The following FBXO10 variants were observed in gnomAD, a reference collection of about 807,000 sequenced individuals.
FBXO10 encodes F-box only protein 10.
A neutral mutation model predicts 80.7 loss-of-function variants in FBXO10; 39 were observed. The observed-to-expected ratio is 0.48, with a 90% CI of 0.37 to 0.63. The LOEUF (loss-of-function observed/expected upper bound fraction) is 0.63, where lower values mean the gene tolerates loss of function less well. FBXO10 is among the 30% of genes least tolerant of loss of function. The pLI is 0.00. For missense variants in FBXO10, 1,025 were observed against 1,269.0 expected (o/e 0.81, Z 2.92); for synonymous variants, 449 against 489.6 (o/e 0.92, Z 1.09).
intron 1 of FBXO10, among the ~76,000 whole-genome samples, chr9:37,558,336 AAGAG>A (rs1202882145): frequency 6.6e-6 from 1 of 152,206 alleles, no homozygotes; most frequent in African/African-American, 2.4e-5. Context: ...GACTTGGAAT[AAGAG>A]AGACCCAAAT....
chr9:37,529,720 T>G (rs935605645), intron 4 of FBXO10, among the ~76,000 whole-genome samples: 8 of 152,206 alleles, frequency 5.3e-5, no homozygotes, highest in Middle Eastern at 3.2e-3. Flanking sequence ...TTGTTTGACT[T>G]CTAGTCCTTT....
intron 3 of FBXO10, 142 bp downstream of exon 3, chr9:37,536,968 C>T (rs1821782659): frequency 1.5e-6 from 1 of 646,046 alleles, no homozygotes. Context: ...TCTGTCCTTT[C>T]CAAATCAGAT....
intron 1 of FBXO10, among the ~76,000 whole-genome samples, chr9:37,553,775 C>T (rs953694354): frequency 5.3e-5 from 8 of 150,850 alleles, no homozygotes; most frequent in African/African-American, 2.4e-5. Flanking sequence ...ATTAGCCAGG[C>T]GTGGTGGCAC....
At chr9:37,555,487 TCTC>T (rs1432194569) in intron 1 of FBXO10, among the ~76,000 whole-genome samples, 1 of 151,618 alleles carries the variant, frequency 6.6e-6, no homozygotes, top group African/African-American at 2.4e-5. Flanking sequence ...TTCAAGCGAT[TCTC>T]CTGCCTCAGC....
At position 37,541,564 on chromosome 9, in the gene FBXO10, C is replaced by G; in HGVS notation, c.205G>C (p.Glu69Gln). Residue 69 changes from glutamate (E) to glutamine (Q), a missense_variant, in exon 2 of 11, where the codon GAG (glutamate) becomes CAG (glutamine). Physicochemically the swap from Glu to Gln is conservative, Grantham distance 29 (BLOSUM62 2). Transcript: ENST00000432825. ...TGCTTGAAGGCTTCTCTCCAAGACT[C>G]AGGCTCCACATCTGGCTGGTTGGGC... ...NWPNQPDVEP[E>Q]SWREAFKQHY... The G allele has an allele frequency of 6.2e-7, 1 of 1,613,730 alleles. No homozygotes were observed.
At chr9:37,535,823 C>T (rs1821747236) in intron 3 of FBXO10, among the ~76,000 whole-genome samples, 1 of 152,158 alleles carries the variant, frequency 6.6e-6, no homozygotes, top group African/African-American at 2.4e-5. Flanking sequence ...ACTTCTGGGC[C>T]TTCACACACA....
chr9:37,559,880 T>C lies in FBXO10; in HGVS notation c.-7+16331A>G, dbSNP rs192304555. On this transcript the variant is annotated intron_variant, in intron 1 of 10. Coordinates refer to ENST00000432825, the MANE Select transcript of FBXO10 (RefSeq NM_012166.3). ...AAACACCATGCATGAAAAATACACC[T>C]TTGTTTGGGTTAAGGCACTAAGAAC... is the stretch of plus-strand genomic sequence containing the variant. 3.3e-4 allele frequency among the ~76,000 whole-genome samples: 50 copies of C among 152,264 alleles called. No individual in the cohort carries two copies. In the East Asian group the frequency reaches 6.6e-3, roughly 20 times the overall value.
chr9:37,568,150 C>G (rs777328178), intron 1 of FBXO10, among the ~76,000 whole-genome samples: 6 of 152,118 alleles, frequency 3.9e-5, no homozygotes, highest in Non-Finnish European at 8.8e-5. Context: ...ATACTTTAAG[C>G]TGATCACCTA....
At chr9:37,557,612 A>G (rs960773564) in intron 1 of FBXO10, among the ~76,000 whole-genome samples, 1 of 152,140 alleles carries the variant, frequency 6.6e-6, no homozygotes, top group Non-Finnish European at 1.5e-5. Flanking sequence ...GAATTCAGTG[A>G]CTTCACATAT....
intron 1 of FBXO10, among the ~76,000 whole-genome samples, chr9:37,567,954 CT>C (rs1361425124): frequency 6.6e-6 from 1 of 152,106 alleles, no homozygotes; most frequent in Non-Finnish European, 1.5e-5. Flanking sequence ...AGGATGGATA[CT>C]TGACCCAAAG....
chr9:37,574,739 T>G (rs777236617), intron 1 of FBXO10, among the ~76,000 whole-genome samples: 1 of 152,176 alleles, frequency 6.6e-6, no homozygotes, highest in Non-Finnish European at 1.5e-5. Context: ...TATTTTAAAA[T>G]GTACTGAGAA....
At chr9:37,529,064 A>G (rs1348836816) in intron 5 of FBXO10, 60 bp downstream of exon 5, 7 of 1,604,786 alleles carry the variant, frequency 4.4e-6, no homozygotes, top group Non-Finnish European at 6.0e-6. Context: ...AGTGTTTTCA[A>G]ATGGAGGAGA....
intron 1 of FBXO10, among the ~76,000 whole-genome samples, chr9:37,573,726 A>G (rs1327379948): frequency 6.6e-6 from 1 of 152,214 alleles, no homozygotes; most frequent in East Asian, 1.9e-4. Context: ...AAGGAAAGAC[A>G]AGAGTGAATG....
At chr9:37,520,396 G>A (rs1187710776) in intron 8 of FBXO10, among the ~76,000 whole-genome samples, 1 of 141,718 alleles carries the variant, frequency 7.1e-6, no homozygotes, top group South Asian at 2.2e-4. Context: ...ATACCGTGGT[G>A]CAATCACACC....
At chr9:37,539,209 A>G (rs1455560671) in intron 2 of FBXO10, among the ~76,000 whole-genome samples, 1 of 152,236 alleles carries the variant, frequency 6.6e-6, no homozygotes, top group African/African-American at 2.4e-5. Context: ...TAACTTTTCT[A>G]ATTTCTTCCT....
intron 3 of FBXO10, among the ~76,000 whole-genome samples, chr9:37,535,204 T>G (rs1821727978): frequency 6.6e-6 from 1 of 152,124 alleles, no homozygotes. Flanking sequence ...ATCGACCTCC[T>G]AAGAGCCAGG....
chr9:37,554,371 T>C (rs537609751), intron 1 of FBXO10, among the ~76,000 whole-genome samples: 1 of 152,370 alleles, frequency 6.6e-6, no homozygotes, highest in Admixed American at 6.5e-5. Context: ...TGTAATTCGA[T>C]GGAGGCTCAT....
chr9:37,546,597 G>A (rs1822062651), intron 1 of FBXO10, among the ~76,000 whole-genome samples: 1 of 152,152 alleles, frequency 6.6e-6, no homozygotes, highest in Non-Finnish European at 1.5e-5. Flanking sequence ...TGGTCTCTGT[G>A]CTCAAGTTGC....
chr9:37,569,064 A>T (rs1161013577), intron 1 of FBXO10, among the ~76,000 whole-genome samples: 1 of 152,154 alleles, frequency 6.6e-6, no homozygotes, highest in Non-Finnish European at 1.5e-5. Flanking sequence ...TAATTAAAAG[A>T]CAGAGAAAGT....
Sources: gnomAD v4.1 joint callset for allele counts (sites outside exome capture counted in the v4.1 genomes callset) on GRCh38, gnomAD v4.1.1 for gene constraint, MANE v1.5 for transcripts, NCBI Gene and HGNC (gene_info 2026-07-23, HGNC 2026-07-21) for gene names.